NBEAL1: variants seen among roughly 807,000 people sequenced by gnomAD.
The protein encoded by NBEAL1 is neurobeachin-like protein 1.
In NBEAL1, 273 loss-of-function variants were observed where a neutral mutation model predicts 351.3. The ratio of observed to expected loss-of-function variants is 0.78; its 90% CI spans 0.70 to 0.86. The LOEUF is 0.86. Among genes scored for constraint, NBEAL1 ranks in the 40% least tolerant of loss-of-function variants. The pLI, the probability that NBEAL1 is intolerant of heterozygous loss-of-function variation, is 0.00. For missense variants in NBEAL1, 2,961 were observed against 3,201.3 expected, an observed-to-expected ratio of 0.92 and a Z score of 1.81; for synonymous variants, 1,050 against 1,086.4, an observed-to-expected ratio of 0.97 and a Z score of 0.66.
rs748442036 is a variant in NBEAL1 at position 203,110,211 on chromosome 2, G to A, written c.2011G>A (p.Val671Met). Reference sequence around the variant, plus strand: ...TATTACCCATTCAGGTATGTTGGTCGTGGCAGTGTGCACAAAAAGAGAATA... The same window carrying A: ...TATTACCCATTCAGGTATGTTGGTCATGGCAGTGTGCACAAAAAGAGAATA... ...AFITHSGMLV[V>M]AVCTKREYAT... is the part of the protein sequence containing the mutation. Residue 671 changes from valine to methionine, a missense_variant, in exon 15 of 56, where the codon GTG (valine) becomes ATG (methionine). Transcript: ENST00000683969. 1.5e-5 allele frequency: 24 copies of A among 1,553,520 alleles called. No individual in the cohort carries two copies. The highest frequency in any genetic ancestry group is 9.5e-5 in the South Asian group (8 of 84,210).
chr2:203,151,348 A>G, intron 34 of NBEAL1, 117 bp from the exon 35 acceptor site: 1 of 708,668 alleles, frequency 1.4e-6, no homozygotes, highest in Non-Finnish European at 2.1e-6. Context: ...ATAAAAATAA[A>G]ATAAAATGGT....
intron 8 of NBEAL1, among the ~76,000 whole-genome samples, chr2:203,079,078 T>C (rs2061828030): frequency 6.6e-6 from 1 of 152,128 alleles, no homozygotes; most frequent in African/African-American, 2.4e-5. Context: ...TTGTTTTGTT[T>C]TGTTTGTTGT....
At chr2:203,207,113 G>C (rs1426992281) in intron 51 of NBEAL1, among the ~76,000 whole-genome samples, 1 of 144,878 alleles carries the variant, frequency 6.9e-6, no homozygotes, top group African/African-American at 2.6e-5. Flanking sequence ...CGGCCGCCCC[G>C]TCTGAGAAGT....
chr2:203,113,978 T>C (rs1353251640), intron 17 of NBEAL1, among the ~76,000 whole-genome samples: 1 of 151,962 alleles, frequency 6.6e-6, no homozygotes, highest in Non-Finnish European at 1.5e-5. Context: ...CCCGCCACCA[T>C]GCCGGGCTAA....
intron 43 of NBEAL1, among the ~76,000 whole-genome samples, 172 bp downstream of exon 43, chr2:203,180,684 T>C (rs927802494): frequency 1.3e-5 from 2 of 152,112 alleles, no homozygotes; most frequent in African/African-American, 2.4e-5. Context: ...TCCAGGGAAG[T>C]GCTATAGGGA....
intron 25 of NBEAL1, among the ~76,000 whole-genome samples, chr2:203,131,185 G>A (rs1172241592): frequency 6.6e-6 from 1 of 152,084 alleles, no homozygotes; most frequent in African/African-American, 2.4e-5. Flanking sequence ...TACAACTACA[G>A]ATGAATTTCA....
chr2:203,210,674 G>T (rs556797284), intron 53 of NBEAL1, among the ~76,000 whole-genome samples: 79 of 152,206 alleles, frequency 5.2e-4, no homozygotes, highest in Middle Eastern at 3.4e-3. Flanking sequence ...AAAAGAAAAA[G>T]AATTTTTTTC....
chr2:203,082,879 TCTAGGCAGGA>T (rs2061897178), intron 8 of NBEAL1, among the ~76,000 whole-genome samples: 1 of 152,196 alleles, frequency 6.6e-6, no homozygotes. Flanking sequence ...ATGTTTACAT[TCTAGGCAGGA>T]AAAGGTGAAA....
rs774654697 is a variant in NBEAL1, at chr2:203,062,348, G to A, written c.515+4895G>A. 9 of 489,976 alleles carry A rather than the reference G, an allele frequency of 1.8e-5. 1 individual carries two copies. The highest frequency in any genetic ancestry group is 3.0e-5 in the South Asian group (2 of 67,384). The allele number at this position is 489,976 out of a possible 1,614,324, so 30.4% of individuals were successfully genotyped here. A position where few individuals can be genotyped will look rare whatever the true frequency, so the allele number is the denominator to read the frequency against. On this transcript the variant is annotated intron_variant, in intron 6 of 55. Coordinates refer to ENST00000683969, the MANE Select transcript of NBEAL1 (RefSeq NM_001378026.1). The surrounding 1 kb of genome is among the most constrained non-coding windows in gnomAD (Gnocchi z 4.2). The stretch of plus-strand genomic sequence containing the variant: ...TTTCTTCTGGGAAAAATCCAGCAAC[G>A]CCCACTCCTGAGGGGTGAAGGTTAC...
intron 3 of NBEAL1, among the ~76,000 whole-genome samples, chr2:203,042,391 A>G (rs967630392): frequency 1.3e-5 from 2 of 152,200 alleles, no homozygotes; most frequent in African/African-American, 2.4e-5. Flanking sequence ...CCCTCTCCCC[A>G]TGGAGTCAGG....
chr2:203,099,935 C>T (rs571845194), intron 12 of NBEAL1, among the ~76,000 whole-genome samples: 105 of 152,180 alleles, frequency 6.9e-4, no homozygotes, highest in African/African-American at 2.4e-3. Flanking sequence ...TCTATTGTTC[C>T]TTTCTTTGTG....
intron 35 of NBEAL1, among the ~76,000 whole-genome samples, chr2:203,156,845 TTAAG>T (rs1357514715): frequency 4.6e-5 from 7 of 152,172 alleles, no homozygotes; most frequent in Admixed American, 6.5e-5. Context: ...ATTCATCAAG[TTAAG>T]TATGTTAATT....
rs2060678990 is a variant in NBEAL1, at chr2:203,016,265, T to C, written c.-120T>C. On this transcript the variant is annotated 5_prime_UTR_variant, in exon 2 of 56. Coordinates refer to ENST00000683969, the MANE Select transcript of NBEAL1 (RefSeq NM_001378026.1). ...GTCCATTTGTTTCACTTCTTTTTGC[T>C]TTCTTTACTGCTATGAGCTTTACTG... 1.7e-6 allele frequency: 1 copy of C among 582,176 alleles called. No individual in the cohort carries two copies. The highest frequency in any genetic ancestry group is 2.8e-6 in the Non-Finnish European group (1 of 362,854). 36.1% of individuals were successfully genotyped at this position (582,176 alleles called of 1,614,324 possible).
chr2:203,044,464 T>A (rs1244370594), intron 3 of NBEAL1, among the ~76,000 whole-genome samples: 1 of 152,160 alleles, frequency 6.6e-6, no homozygotes, highest in African/African-American at 2.4e-5. Flanking sequence ...ACTTCTAAAG[T>A]TTCTAAGGTG....
At chr2:203,100,999 T>C (rs1227226137) in intron 12 of NBEAL1, among the ~76,000 whole-genome samples, 1 of 152,238 alleles carries the variant, frequency 6.6e-6, no homozygotes, top group Non-Finnish European at 1.5e-5. Flanking sequence ...TCTCCCATTC[T>C]GTAGGTTGTC....
intron 46 of NBEAL1, among the ~76,000 whole-genome samples, chr2:203,193,458 C>T (rs1008305527): frequency 3.3e-5 from 5 of 151,798 alleles, no homozygotes; most frequent in South Asian, 4.2e-4. Flanking sequence ...GGAAGACAGA[C>T]CATAAACAAC....
rs2064334506 is a variant in NBEAL1, at chr2:203,171,998, A to G, written c.6173A>G (p.Tyr2058Cys). The G allele has an allele frequency of 3.1e-6, 5 of 1,606,060 alleles. No homozygotes were observed. The highest frequency in any genetic ancestry group is 1.3e-5 in the African/African-American group (1 of 74,528). The part of the protein sequence containing the change: ...IQINTMAGRT[Y>C]NDLAQYPVFP... ...ATAAATACAATGGCAGGACGAACCT[A>G]TAATGACCTTGCACAGTATCCTGTG... Residue 2058 changes from tyrosine (Y) to cysteine (C), a missense_variant, in exon 40 of 56, where the codon TAT becomes TGT. Physicochemically the swap from Tyr to Cys is radical, Grantham distance 194 (BLOSUM62 -2). Transcript: ENST00000683969.
intron 35 of NBEAL1, among the ~76,000 whole-genome samples, chr2:203,154,184 C>T (rs927323030): frequency 1.3e-5 from 2 of 149,198 alleles, no homozygotes; most frequent in Non-Finnish European, 1.5e-5. Flanking sequence ...TGCAGTGAGC[C>T]GAGATTGTGC....
intron 10 of NBEAL1, among the ~76,000 whole-genome samples, chr2:203,090,843 C>T (rs1252373712): frequency 6.6e-6 from 1 of 151,638 alleles, no homozygotes; most frequent in African/African-American, 2.4e-5. Flanking sequence ...GAGCCTAGAT[C>T]ACACCACTGC....
Sources: gnomAD v4.1 joint callset for allele counts (sites outside exome capture counted in the v4.1 genomes callset) on GRCh38, gnomAD v4.1.1 for gene constraint, Gnocchi (gnomAD v3.1) non-coding constraint, MANE v1.5 for transcripts, NCBI Gene and HGNC (gene_info 2026-07-23, HGNC 2026-07-21) for gene names.